The following PHACTR3 variants were observed in gnomAD, a reference collection of about 807,000 sequenced individuals.
PHACTR3 encodes the protein protein phosphatase 1, regulatory subunit 123.
A neutral mutation model predicts 66.8 loss-of-function variants in PHACTR3; 16 were observed. The ratio of observed to expected loss-of-function variants is 0.24; its 90% CI spans 0.16 to 0.36. The LOEUF (loss-of-function observed/expected upper bound fraction) is 0.36. PHACTR3 is among the 10% of genes least tolerant of loss of function. PHACTR3 has a pLI of 1.00. For missense variants in PHACTR3, 647 were observed against 719.9 expected, an observed-to-expected ratio of 0.90 and a Z score of 1.16; for synonymous variants, 323 against 292.1, an observed-to-expected ratio of 1.11 and a Z score of -1.08.
rs1392056726 is a variant in PHACTR3 at position 59,604,636 on chromosome 20, C to G, written c.-379C>G. ...GGGGGAGGGAGCGCCCCCAGACATT[C>G]CAGGACATCACCCCCTGCCCCAAGC... On this transcript the variant is annotated 5_prime_UTR_variant, in exon 1 of 13. Transcript: ENST00000371015. The G allele has an allele frequency of 9.1e-6, 9 of 985,610 alleles. No homozygotes were observed. In the East Asian group the frequency reaches 8.8e-4, roughly 96 times the overall value. The allele number at this position is 985,610 out of a possible 1,614,324, so 61.1% of individuals were successfully genotyped here.
intron 1 of PHACTR3, among the ~76,000 whole-genome samples, chr20:59,737,209 T>C (rs1309599587): frequency 6.6e-6 from 1 of 152,124 alleles, no homozygotes; most frequent in Admixed American, 6.5e-5. Context: ...GGCGGCCCTC[T>C]GGAGCACCCA....
chr20:59,716,659 A>G (rs895911285), intron 1 of PHACTR3, among the ~76,000 whole-genome samples: 1 of 152,160 alleles, frequency 6.6e-6, no homozygotes, highest in African/African-American at 2.4e-5. Flanking sequence ...CAGAGCCCCC[A>G]TGCTCTTCTC....
rs1386760803 is a variant in PHACTR3 at position 59,615,357 on chromosome 20, C to T, written c.118+10225C>T. On this transcript the variant is annotated intron_variant, in intron 1 of 12. Coordinates refer to ENST00000371015, the MANE Select transcript of PHACTR3 (RefSeq NM_080672.5). ...CCATGATTACTTACCTATTTGCTGACGCATTAAGCACTACAGTGTGCATGG... is the reference window on the plus strand; with the variant it reads ...CCATGATTACTTACCTATTTGCTGATGCATTAAGCACTACAGTGTGCATGG... 3.3e-5 allele frequency among the ~76,000 whole-genome samples: 5 copies of T among 152,126 alleles called. No homozygotes were observed. The South Asian group carries it at 6.2e-4, about 19-fold the overall frequency.
chr20:59,833,882 G>A (rs181645210), intron 8 of PHACTR3, among the ~76,000 whole-genome samples: 245 of 152,316 alleles, frequency 1.6e-3, no homozygotes, highest in Middle Eastern at 3.4e-3. Context: ...GCGCTGGAGG[G>A]AAGTTTTATA....
At chr20:59,625,276 C>T (rs552226185) in intron 1 of PHACTR3, among the ~76,000 whole-genome samples, 2 of 152,062 alleles carry the variant, frequency 1.3e-5, no homozygotes, top group South Asian at 4.2e-4. Context: ...GGCCCCATTC[C>T]TGTTAGAGAA....
chr20:59,580,349 C>G (rs1260844257), intron 1 of PHACTR3, among the ~76,000 whole-genome samples: 2 of 152,162 alleles, frequency 1.3e-5, no homozygotes, highest in African/African-American at 4.8e-5. Context: ...CCAGGAGGAT[C>G]TGTCCAGCTG....
chr20:59,748,862 A>C (rs573211582), intron 3 of PHACTR3, among the ~76,000 whole-genome samples: 3 of 152,326 alleles, frequency 2.0e-5, no homozygotes, highest in South Asian at 4.1e-4. Flanking sequence ...CCCAAATATC[A>C]GGAATTAGGA....
intron 1 of PHACTR3, among the ~76,000 whole-genome samples, chr20:59,702,274 G>C (rs1285611170): frequency 1.3e-5 from 2 of 152,130 alleles, no homozygotes; most frequent in Non-Finnish European, 2.9e-5. Flanking sequence ...TCACCTCCCT[G>C]TCTGGCCTCT....
In PHACTR3 at chr20:59,795,430, T is replaced by C. The variant is rs1225519898; in HGVS notation, c.1175-10611T>C. On this transcript the variant is annotated intron_variant, in intron 7 of 12. Transcript: ENST00000371015. ...ATATTATCTAGGAGAATGTTCCATG[T>C]GCAATTGAGAAGAATGTGTATTCTG... Among the ~76,000 whole-genome samples the C allele has an allele frequency of 3.3e-5, 5 of 152,110 alleles. 1 individual carries two copies. In the South Asian group the frequency reaches 6.2e-4, roughly 19 times the overall value.
chr20:59,759,773 C>T (rs2039933725), intron 4 of PHACTR3, among the ~76,000 whole-genome samples: 1 of 152,182 alleles, frequency 6.6e-6, no homozygotes, highest in Admixed American at 6.5e-5. Context: ...CATCTGGGCC[C>T]AGTCGCTCTG....
intron 11 of PHACTR3, chr20:59,843,918 C>T (rs944551495): frequency 1.3e-5 from 2 of 151,990 alleles, no homozygotes; most frequent in Admixed American, 6.6e-5. Flanking sequence ...TATCTGCAAA[C>T]TATTCATCCA....
chr20:59,786,894 G>C (rs1481378668), intron 7 of PHACTR3, among the ~76,000 whole-genome samples: 3 of 151,990 alleles, frequency 2.0e-5, no homozygotes, highest in African/African-American at 7.3e-5. Flanking sequence ...TGTGCTGCTT[G>C]TAGAAGTCCT....
intron 1 of PHACTR3, among the ~76,000 whole-genome samples, chr20:59,722,499 C>G (rs1014784280): frequency 5.3e-5 from 8 of 152,052 alleles, no homozygotes; most frequent in African/African-American, 1.9e-4. Context: ...GAGAAGGCAC[C>G]AAGTGAGGCC....
intron 1 of PHACTR3, among the ~76,000 whole-genome samples, chr20:59,671,832 A>G (rs979425370): frequency 6.6e-6 from 1 of 152,258 alleles, no homozygotes; most frequent in Non-Finnish European, 1.5e-5. Flanking sequence ...AGTTAGGCCA[A>G]GTCCTTGACT....
rs2037540215 is a variant in PHACTR3, at chr20:59,702,447, C to T, written c.119-40660C>T. ...CATCCAGATCTCAGCTGAAATGACA[C>T]ATCCTCTAAGATGCCCTCCTGACCC... On this transcript the variant is annotated intron_variant, in intron 1 of 12. Coordinates refer to ENST00000371015, the MANE Select transcript of PHACTR3 (RefSeq NM_080672.5). Among the ~76,000 whole-genome samples the T allele has an allele frequency of 2.6e-5, 4 of 152,360 alleles. No homozygotes were observed. The South Asian group carries it at 8.3e-4, about 32-fold the overall frequency.
intron 3 of PHACTR3, among the ~76,000 whole-genome samples, chr20:59,749,427 A>AT (rs928532658): frequency 2.0e-5 from 3 of 152,162 alleles, no homozygotes; most frequent in Non-Finnish European, 2.9e-5. Flanking sequence ...TCCACTCTGA[A>AT]TTTTTGCAAG....
At chr20:59,642,406 A>C (rs2035135962) in intron 1 of PHACTR3, among the ~76,000 whole-genome samples, 1 of 151,892 alleles carries the variant, frequency 6.6e-6, no homozygotes, top group Non-Finnish European at 1.5e-5. Flanking sequence ...AAGCATTCAC[A>C]AATCCCCCCA....
chr20:59,581,310 G>A (rs1473526384), intron 1 of PHACTR3, among the ~76,000 whole-genome samples: 1 of 152,226 alleles, frequency 6.6e-6, no homozygotes, highest in Non-Finnish European at 1.5e-5. Flanking sequence ...CCCTGGGAGA[G>A]GTGTGACCTG....
At chr20:59,591,556 C>T (rs1819110693) in intron 1 of PHACTR3, among the ~76,000 whole-genome samples, 1 of 152,146 alleles carries the variant, frequency 6.6e-6, no homozygotes, top group African/African-American at 2.4e-5. Context: ...TCCAGCTCCT[C>T]ATCATGGGGG....
Sources: allele counts gnomAD v4.1 joint callset (sites outside exome capture counted in the v4.1 genomes callset), GRCh38; gene constraint gnomAD v4.1.1; transcripts MANE v1.5; gene names NCBI Gene and HGNC (gene_info 2026-07-23, HGNC 2026-07-21).